BNC1: variants seen among roughly 807,000 people sequenced by gnomAD.
BNC1 encodes the protein zinc finger protein basonuclin-1.
In BNC1, 8 loss-of-function variants were observed where a neutral mutation model predicts 66.5. The observed-to-expected ratio is 0.12, with a 90% CI of 0.07 to 0.22. The LOEUF is 0.22. Ranked by LOEUF, BNC1 falls within the 10% of genes least tolerant of loss-of-function variation. The pLI is 1.00. For synonymous variants in BNC1, 454 were observed against 452.6 expected (o/e 1.00, Z -0.04); for missense variants, 1,069 against 1,241.3 (o/e 0.86, Z 2.09).
At position 83,284,611 on chromosome 15, in the gene BNC1, C is replaced by T; in HGVS notation, c.18G>A (p.Pro6=). The part of the protein sequence containing the change: MRRRP[P]SRGGRGAARA... ...GGGCCGCCCCGCGTCCGCCCCGGCTCGGCGGGCGCCGCCGCATCCACGCTC... is the reference window on the plus strand; with the variant it reads ...GGGCCGCCCCGCGTCCGCCCCGGCTTGGCGGGCGCCGCCGCATCCACGCTC... Residue 6 remains proline (P), a synonymous_variant, in exon 1 of 5, where the codon CCG becomes CCA. Transcript: ENST00000345382. The T allele has an allele frequency of 2.0e-6, 2 of 1,002,284 alleles. No individual in the cohort carries two copies. The highest frequency in any genetic ancestry group is 2.4e-6 in the Non-Finnish European group (2 of 842,830). The allele number at this position is 1,002,284 out of a possible 1,614,324, so 62.1% of individuals were successfully genotyped here. A position where few individuals can be genotyped will look rare whatever the true frequency, so the allele number is the denominator to read the frequency against.
chr15:83,266,654 G>A (rs1039250156), intron 3 of BNC1, among the ~76,000 whole-genome samples, 182 bp downstream of exon 3: 2 of 152,282 alleles, frequency 1.3e-5, no homozygotes, highest in East Asian at 1.9e-4. Context: ...AGGTATCTTG[G>A]AGGAAAGCCT....
At chr15:83,280,239 T>C (rs2038364640) in intron 1 of BNC1, among the ~76,000 whole-genome samples, 1 of 152,210 alleles carries the variant, frequency 6.6e-6, no homozygotes, top group Non-Finnish European at 1.5e-5. Flanking sequence ...ATTATATGGA[T>C]ATATTTTTTC....
rs571668524 is a variant in BNC1, at chr15:83,272,244, A to G, written c.100-4012T>C. Among the ~76,000 whole-genome samples the G allele has an allele frequency of 2.0e-5, 3 of 152,174 alleles. No homozygotes were observed. The East Asian group carries it at 5.8e-4, about 29-fold the overall frequency. ...ATTCCTTTTTTTAAAATTTTTATTT[A>G]TTTTGAGACGGAGTCTCATTCTATT... On this transcript the variant is annotated intron_variant, in intron 1 of 4. Transcript: ENST00000345382.
chr15:83,263,662 T>C lies in BNC1; in HGVS notation c.1589A>G (p.Asp530Gly), dbSNP rs139502461. The C allele has an allele frequency of 1.5e-5, 24 of 1,614,076 alleles. No homozygotes were observed. The African/African-American group carries it at 2.4e-4, about 16-fold the overall frequency. ...CCTGGATTTCTTCTTGGGAAGGGCA[T>C]CAAATGGCATTTCGTTTGAAATGAG... is the stretch of plus-strand genomic sequence containing the variant. ...EQLISNEMPF[D>G]ALPKKKSRKS... Residue 530 changes from aspartate (D) to glycine (G), a missense_variant, in exon 4 of 5, where the codon GAT becomes GGT. Around this residue, in one of 7 missense-constraint regions of BNC1, gnomAD observed 657 missense variants for 715.8 expected, o/e 0.92. Coordinates refer to ENST00000345382, the MANE Select transcript of BNC1 (RefSeq NM_001717.4).
At chr15:83,265,881 T>C (rs537117278) in intron 3 of BNC1, among the ~76,000 whole-genome samples, 6 of 152,308 alleles carry the variant, frequency 3.9e-5, no homozygotes, top group Admixed American at 1.3e-4. Flanking sequence ...AAATTGTTTT[T>C]AGTGTTCATT....
chr15:83,263,454 C>T lies in BNC1; in HGVS notation c.1797G>A (p.Gly599=), dbSNP rs148242082. ...GCCTCTCCCCTTCAGGGAAAGGCTTCCCTAAGCCTCCTGACTGTACATGCT... is the reference window on the plus strand; with the variant it reads ...GCCTCTCCCCTTCAGGGAAAGGCTTTCCTAAGCCTCCTGACTGTACATGCT... The part of the protein sequence containing the change: ...EEQHVQSGGL[G]KPFPEGERPC... Residue 599 remains glycine, a synonymous_variant, in exon 4 of 5, where the codon GGG becomes GGA. Transcript: ENST00000345382. 1.1e-5 allele frequency: 17 copies of T among 1,614,110 alleles called. No individual in the cohort carries two copies. The highest frequency in any genetic ancestry group is 1.4e-5 in the Non-Finnish European group (16 of 1,180,052).
intron 2 of BNC1, 89 bp from the exon 3 acceptor site, chr15:83,267,160 T>G (rs1274051468): frequency 2.1e-6 from 2 of 948,638 alleles, no homozygotes; most frequent in East Asian, 5.2e-5. Context: ...GACCAATTCT[T>G]GGTTATTTAT....
At chr15:83,271,446 G>A (rs866876975) in intron 1 of BNC1, among the ~76,000 whole-genome samples, 1 of 152,176 alleles carries the variant, frequency 6.6e-6, no homozygotes, top group Non-Finnish European at 1.5e-5. Flanking sequence ...ATCCATTCAA[G>A]AGGCTACCAA....
intron 1 of BNC1, among the ~76,000 whole-genome samples, chr15:83,277,542 C>A (rs2038337482): frequency 6.6e-6 from 1 of 152,144 alleles, no homozygotes; most frequent in South Asian, 2.1e-4. Context: ...ATCTCCTGAC[C>A]TCATGATCTG....
rs934569930 is a variant in BNC1 at position 83,264,363 on chromosome 15, T to C, written c.888A>G (p.Pro296=). 7 of 1,614,034 alleles carry C rather than the reference T, an allele frequency of 4.3e-6. No individual in the cohort carries two copies. The highest frequency in any genetic ancestry group is 5.9e-6 in the Non-Finnish European group (7 of 1,180,038). Residue 296 remains proline, a synonymous_variant, in exon 4 of 5, where the codon CCA becomes CCG. Coordinates refer to ENST00000345382, the MANE Select transcript of BNC1 (RefSeq NM_001717.4). ...DSSFLTSSST[P]FQVEKDQCLN... ...AACACTGATCTTTTTCAACCTGAAA[T>C]GGTGTGGAACTGGAAGTTAAGAAGC...
At chr15:83,278,695 C>T (rs2038350394) in intron 1 of BNC1, among the ~76,000 whole-genome samples, 1 of 152,112 alleles carries the variant, frequency 6.6e-6, no homozygotes, top group South Asian at 2.1e-4. Context: ...ATCACCATTC[C>T]GCAACTCCTA....
At chr15:83,258,248 G>C in intron 4 of BNC1, 122 bp from the exon 5 acceptor site, 5 of 1,028,418 alleles carry the variant, frequency 4.9e-6, no homozygotes, top group Middle Eastern at 2.6e-4. Flanking sequence ...CGATGATAAG[G>C]GGGTAGGCCC....
At chr15:83,272,394 CTTT>C (rs750429207) in intron 1 of BNC1, among the ~76,000 whole-genome samples, 13 of 122,722 alleles carry the variant, frequency 1.1e-4, no homozygotes, top group African/African-American at 1.7e-4. Context: ...CCACACCTGG[CTTT>C]TTTTTTTTTT....
intron 1 of BNC1, 39 bp downstream of exon 1, chr15:83,284,491 A>G (rs895650711): frequency 6.0e-5 from 71 of 1,179,538 alleles, no homozygotes; most frequent in Non-Finnish European, 7.5e-5. Flanking sequence ...TGCTCCGCGC[A>G]CAGAGAATCC....
chr15:83,263,682 A>C lies in BNC1; in HGVS notation c.1569T>G (p.Ile523Met). Residue 523 changes from isoleucine to methionine, a missense_variant, in exon 4 of 5, where the codon ATT (isoleucine) becomes ATG (methionine). Around this residue, in one of 7 missense-constraint regions of BNC1, gnomAD observed 657 missense variants for 715.8 expected, o/e 0.92. Transcript: ENST00000345382. ...LLSSSIPEQL[I>M]SNEMPFDALP... ...GGGCATCAAATGGCATTTCGTTTGA[A>C]ATGAGCTGTTCTGGGATTGAAGAGG... The C allele has an allele frequency of 1.2e-6, 2 of 1,614,158 alleles. No individual in the cohort carries two copies. The highest frequency in any genetic ancestry group is 4.5e-5 in the East Asian group (2 of 44,880).
intron 1 of BNC1, among the ~76,000 whole-genome samples, chr15:83,273,956 A>C (rs1396413937): frequency 1.3e-5 from 2 of 152,218 alleles, no homozygotes; most frequent in African/African-American, 4.8e-5. Context: ...TAGTATGTGC[A>C]TATACTTTCA....
At chr15:83,280,999 A>C (rs11259905) in intron 1 of BNC1, among the ~76,000 whole-genome samples, 36,958 of 152,112 alleles carry the variant, frequency 0.24, 4,915 homozygotes, top group African/African-American at 0.35. Context: ...GCTGGTTTAT[A>C]ATAATGAGTC....
At chr15:83,283,102 C>G in intron 1 of BNC1, 1 of 1,534,080 alleles carries the variant, frequency 6.5e-7, no homozygotes, top group South Asian at 1.2e-5. Flanking sequence ...TTCACTCACA[C>G]AATTAAGGCT....
chr15:83,266,087 A>C (rs1052648367), intron 3 of BNC1, among the ~76,000 whole-genome samples: 2 of 152,156 alleles, frequency 1.3e-5, no homozygotes, highest in African/African-American at 4.8e-5. Flanking sequence ...GCTTCTAAAA[A>C]CACCTTGATA....
Sources: allele counts gnomAD v4.1 joint callset (sites outside exome capture counted in the v4.1 genomes callset), GRCh38; gene constraint gnomAD v4.1.1; regional missense constraint gnomAD v4.1.1; transcripts MANE v1.5; gene names NCBI Gene and HGNC (gene_info 2026-07-23, HGNC 2026-07-21).